Variants in NDST4 observed in about 807,000 individuals in gnomAD.
The protein encoded by NDST4 is N-heparan sulfate sulfotransferase 4.
In NDST4, 63 loss-of-function variants were observed where a neutral mutation model predicts 100.8. The observed-to-expected ratio is 0.62, with a 90% CI of 0.51 to 0.77. NDST4 has a LOEUF of 0.77. Among genes scored for constraint, NDST4 ranks in the 30% least tolerant of loss-of-function variants. NDST4 has a pLI of 0.00. For missense variants in NDST4, 943 were observed against 1,018.4 expected (o/e 0.93, Z 1.01); for synonymous variants, 377 against 361.8 (o/e 1.04, Z -0.48).
chr4:114,903,072 TC>T (rs1484424370), intron 6 of NDST4, among the ~76,000 whole-genome samples: 3 of 152,120 alleles, frequency 2.0e-5, no homozygotes, highest in African/African-American at 7.2e-5. Flanking sequence ...ATCCCTGCCA[TC>T]TCTGAACCTT....
rs768161358 is a variant in NDST4, at chr4:114,827,819, T to C, written c.2616A>G (p.Arg872=). 2.5e-6 allele frequency: 4 copies of C among 1,611,138 alleles called. No individual in the cohort carries two copies. In the African/African-American group the frequency reaches 5.4e-5, roughly 22 times the overall value. The change falls in exon 14 of 14, where the codon AGA becomes AGG. Residue 872 remains arginine (R), a synonymous_variant. Transcript: ENST00000264363. The stretch of plus-strand genomic sequence containing the variant: ...GGCTTAGTTCTTGTCTCCAGTGCTA[T>C]CTCACTTTCTGCAGTTCCTGTCTCA... ...SWLRQELQKV[R] is the part of the protein sequence containing the mutation.
At chr4:115,107,334 C>T (rs1357947815) in intron 1 of NDST4, among the ~76,000 whole-genome samples, 1 of 151,978 alleles carries the variant, frequency 6.6e-6, no homozygotes. Flanking sequence ...AGTTTTTTTA[C>T]TTTCCAGAGA....
chr4:115,085,061 C>T (rs1729381729), intron 1 of NDST4, among the ~76,000 whole-genome samples: 1 of 152,172 alleles, frequency 6.6e-6, no homozygotes, highest in South Asian at 2.1e-4. Context: ...GGGTGGAGCT[C>T]CCCAAGGCCA....
intron 2 of NDST4, among the ~76,000 whole-genome samples, chr4:115,023,803 G>T (rs895350995): frequency 6.6e-6 from 1 of 152,120 alleles, no homozygotes; most frequent in Non-Finnish European, 1.5e-5. Context: ...GCATTACAGA[G>T]AACTTTGATG....
At chr4:114,903,615 T>C (rs1258941267) in intron 6 of NDST4, among the ~76,000 whole-genome samples, 8 of 152,064 alleles carry the variant, frequency 5.3e-5, no homozygotes, top group Non-Finnish European at 1.2e-4. Flanking sequence ...GCCCTGTGAC[T>C]TCACTTCTCC....
intron 7 of NDST4, among the ~76,000 whole-genome samples, chr4:114,853,116 A>G (rs919829477): frequency 2.0e-5 from 3 of 152,178 alleles, no homozygotes; most frequent in Non-Finnish European, 4.4e-5. Context: ...TTATGTCTAT[A>G]TATCAGAGGA....
chr4:115,009,452 C>T (rs544112409), intron 2 of NDST4, among the ~76,000 whole-genome samples: 12,099 of 125,658 alleles, frequency 0.096, 3,591 homozygotes, highest in African/African-American at 0.32. Flanking sequence ...CCCTATTTAA[C>T]AAATGGTGCT....
chr4:114,917,595 T>C (rs1725201612), intron 6 of NDST4, among the ~76,000 whole-genome samples: 1 of 151,960 alleles, frequency 6.6e-6, no homozygotes, highest in Admixed American at 6.6e-5. Flanking sequence ...CTAGGCAACA[T>C]AGTGAGACCC....
chr4:114,983,893 G>A (rs1413199169), intron 2 of NDST4, among the ~76,000 whole-genome samples: 1 of 152,134 alleles, frequency 6.6e-6, no homozygotes, highest in Non-Finnish European at 1.5e-5. Flanking sequence ...TATCCCCCAA[G>A]TGCAGTCTTG....
At chr4:115,061,843 A>T (rs71606740) in intron 2 of NDST4, among the ~76,000 whole-genome samples, 6 of 152,222 alleles carry the variant, frequency 3.9e-5, no homozygotes, top group African/African-American at 9.6e-5. Context: ...AAACTACTTT[A>T]AAAAAGCATG....
chr4:115,069,254 C>G (rs565247202), intron 2 of NDST4, among the ~76,000 whole-genome samples: 1 of 151,964 alleles, frequency 6.6e-6, no homozygotes, highest in East Asian at 1.9e-4. Flanking sequence ...GCAAGTCTAA[C>G]AAAAAACAGT....
At chr4:114,985,008 A>T (rs532691047) in intron 2 of NDST4, among the ~76,000 whole-genome samples, 10 of 152,304 alleles carry the variant, frequency 6.6e-5, no homozygotes, top group South Asian at 4.1e-4. Context: ...CAAAAAACTT[A>T]TACCAAGTTT....
At chr4:114,836,114 T>C (rs1284333501) in intron 11 of NDST4, among the ~76,000 whole-genome samples, 3 of 152,246 alleles carry the variant, frequency 2.0e-5, no homozygotes, top group Non-Finnish European at 4.4e-5. Flanking sequence ...CATTTACATT[T>C]AAGGTTAATA....
chr4:115,093,348 G>T (rs1173689606), intron 1 of NDST4, among the ~76,000 whole-genome samples: 2 of 151,998 alleles, frequency 1.3e-5, no homozygotes, highest in South Asian at 2.1e-4. Flanking sequence ...GGTGGCGGGT[G>T]CCTGTAGTCC....
At chr4:115,102,427 T>C (rs1729749373) in intron 1 of NDST4, among the ~76,000 whole-genome samples, 1 of 152,134 alleles carries the variant, frequency 6.6e-6, no homozygotes, top group South Asian at 2.1e-4. Context: ...CAAAAGAAGT[T>C]ATTAAAATAT....
intron 1 of NDST4, among the ~76,000 whole-genome samples, chr4:115,094,430 T>C (rs1426204933): frequency 6.6e-6 from 1 of 151,980 alleles, no homozygotes; most frequent in Admixed American, 6.6e-5. Flanking sequence ...ATGTTGATTG[T>C]AATAAATAAT....
chr4:114,850,936 T>C (rs1723663352), intron 8 of NDST4, among the ~76,000 whole-genome samples: 1 of 152,182 alleles, frequency 6.6e-6, no homozygotes, highest in Non-Finnish European at 1.5e-5. Flanking sequence ...TCTATGTCCA[T>C]CATCTCTGCC....
chr4:115,049,214 A>T (rs780011504), intron 2 of NDST4, among the ~76,000 whole-genome samples: 1 of 152,070 alleles, frequency 6.6e-6, no homozygotes, highest in African/African-American at 2.4e-5. Flanking sequence ...AACCTTCAGC[A>T]TGGTAAAATT....
At chr4:115,066,443 T>A (rs1249253086) in intron 2 of NDST4, among the ~76,000 whole-genome samples, 3 of 152,132 alleles carry the variant, frequency 2.0e-5, no homozygotes, top group Admixed American at 2.0e-4. Flanking sequence ...ATATTTTCAA[T>A]AAAAGAAAAA....
Sources: gnomAD v4.1 joint callset for allele counts (sites outside exome capture counted in the v4.1 genomes callset) on GRCh38, gnomAD v4.1.1 for gene constraint, MANE v1.5 for transcripts, NCBI Gene and HGNC (gene_info 2026-07-23, HGNC 2026-07-21) for gene names.